ZNF471: variants seen among roughly 807,000 people sequenced by gnomAD.
ZNF471 encodes zinc finger protein 471, also known as EZFIT-related protein 1.
ZNF471 carries 7 observed loss-of-function variants against 13.7 expected under a neutral mutation model. The ratio of observed to expected loss-of-function variants is 0.51; its 90% confidence interval spans 0.29 to 0.96. The LOEUF is 0.96. Among genes scored for constraint, ZNF471 ranks in the 40% least tolerant of loss-of-function variants. The pLI, the probability that ZNF471 is intolerant of heterozygous loss-of-function variation, is 0.08. For synonymous variants in ZNF471, 218 were observed against 235.6 expected, an observed-to-expected ratio of 0.93 and a Z score of 0.68; for missense variants, 663 against 743.3, an observed-to-expected ratio of 0.89 and a Z score of 1.26.
rs1409530163 is a variant in ZNF471 at position 56,522,496 on chromosome 19, A to G, written c.257-1828A>G. Among the ~76,000 whole-genome samples, 1 of 152,184 alleles carries G rather than the reference A, an allele frequency of 6.6e-6. No homozygotes were observed. The highest frequency in any genetic ancestry group is 1.5e-5 in the Non-Finnish European group (1 of 68,030). ...ATTCCTTCATTACTTTGATATCACA[A>G]ATGCTTAGTGCATAATGTATAATTG... is the stretch of plus-strand genomic sequence containing the variant. On this transcript the variant is annotated intron_variant, in intron 4 of 4. Coordinates refer to ENST00000308031, the MANE Select transcript of ZNF471 (RefSeq NM_020813.4). This position sits in a 1 kb window ranked among gnomAD's most constrained non-coding sequence, Gnocchi z 4.1.
In ZNF471 at chr19:56,526,972, T is replaced by C. The variant is rs2044056078; in HGVS notation, c.*1024T>C. 1 of 152,802 alleles carries C rather than the reference T, an allele frequency of 6.5e-6. No individual in the cohort carries two copies. The highest frequency in any genetic ancestry group is 2.4e-5 in the African/African-American group (1 of 41,490). The allele number at this position is 152,802 out of a possible 1,614,324, so 9.5% of individuals were successfully genotyped here. ...AGCAGCAGTTCTTCCAGCACAGCGC[T>C]TGAGCTCTGCTAAGGGACAGACTGC... On this transcript the variant is annotated 3_prime_UTR_variant, in exon 5 of 5. Coordinates refer to ENST00000308031, the MANE Select transcript of ZNF471 (RefSeq NM_020813.4).
rs992910085 is a variant in ZNF471 at position 56,528,445 on chromosome 19, C to G, written c.*2497C>G. The G allele has an allele frequency of 6.6e-6, 1 of 152,040 alleles. No individual in the cohort carries two copies. Among genetic ancestry groups the G allele is most frequent in the East Asian group, 1.9e-4 (1 of 5,192 alleles). 9.4% of individuals were successfully genotyped at this position (152,040 alleles called of 1,614,324 possible). ...CTAAAAAAAAAGTTTTAAATGGTGT[C>G]TTTCTATGTTGCCCAGGGTGGTCTC... On this transcript the variant is annotated 3_prime_UTR_variant, in exon 5 of 5. Transcript: ENST00000308031.
intron 2 of ZNF471, 48 bp downstream of exon 2, chr19:56,511,652 A>C (rs1292044102): frequency 6.8e-7 from 1 of 1,463,530 alleles, no homozygotes; most frequent in African/African-American, 1.6e-5. Flanking sequence ...CTTGCTGTTT[A>C]GGACTTTTTG....
chr19:56,511,045 T>C, intron 1 of ZNF471: 1 of 958,602 alleles, frequency 1.0e-6, no homozygotes, highest in Non-Finnish European at 1.2e-6. Flanking sequence ...AGAAGGAGGA[T>C]AACCCTGGCC....
chr19:56,509,714 G>GGTGGGT, intron 1 of ZNF471: 1 of 177,194 alleles, frequency 5.6e-6, no homozygotes, highest in Non-Finnish European at 1.0e-5. Flanking sequence ...TTGCTTGCCT[G>GGTGGGT]GTGTGTGTGT....
In ZNF471 at chr19:56,524,111, C is replaced by T. The variant is rs1241066151; in HGVS notation, c.257-213C>T. On this transcript the variant is annotated intron_variant, in intron 4 of 4. Transcript: ENST00000308031. This position sits in a 1 kb window ranked among gnomAD's most constrained non-coding sequence, Gnocchi z 4.8. ...CTGGGATTATAGGCCTAAACCACTA[C>T]ACCTAGCCCATTTCGCTTTCTTAGT... 6.6e-6 allele frequency among the ~76,000 whole-genome samples: 1 copy of T among 152,200 alleles called. No individual in the cohort carries two copies. The highest frequency in any genetic ancestry group is 1.5e-5 in the Non-Finnish European group (1 of 68,032).
intron 3 of ZNF471, among the ~76,000 whole-genome samples, chr19:56,518,129 T>G (rs1349228713): frequency 2.0e-5 from 3 of 152,228 alleles, no homozygotes; most frequent in Non-Finnish European, 4.4e-5. Flanking sequence ...GCCTCTGGAT[T>G]CTGTCATATT....
At chr19:56,517,147 T>C (rs1285880965) in intron 3 of ZNF471, among the ~76,000 whole-genome samples, 2 of 148,188 alleles carry the variant, frequency 1.3e-5, no homozygotes, top group African/African-American at 2.5e-5. Context: ...TCGCTCTCTT[T>C]TTTTTTTTTT....
chr19:56,511,522 C>A lies in ZNF471; in HGVS notation c.-50C>A, dbSNP rs1366853211. On this transcript the variant is annotated 5_prime_UTR_variant, in exon 2 of 5. An upstream open reading frame in the 5' UTR gains an earlier in-frame stop. Transcript: ENST00000308031. Reference sequence around the variant, plus strand: ...TAACCTTTCCCTTCCTTCAGCCTTGCCCTCCCAAGACACTGTTCTTCAAGA... The same window carrying A: ...TAACCTTTCCCTTCCTTCAGCCTTGACCTCCCAAGACACTGTTCTTCAAGA... 7 of 1,611,902 alleles carry A rather than the reference C, an allele frequency of 4.3e-6. No homozygotes were observed. The highest frequency in any genetic ancestry group is 5.9e-6 in the Non-Finnish European group (7 of 1,178,758).
At position 56,526,733 on chromosome 19, in the gene ZNF471, A is replaced by C. The variant is rs1170347704; in HGVS notation, c.*785A>C. 1 of 152,270 alleles carries C rather than the reference A, an allele frequency of 6.6e-6. No homozygotes were observed. Among genetic ancestry groups the C allele is most frequent in the Non-Finnish European group, 1.5e-5 (1 of 68,084 alleles). 9.4% of individuals were successfully genotyped at this position (152,270 alleles called of 1,614,324 possible). On this transcript the variant is annotated 3_prime_UTR_variant, in exon 5 of 5. Coordinates refer to ENST00000308031, the MANE Select transcript of ZNF471 (RefSeq NM_020813.4). ...TTCCCCTCACAGCGTAAACAAAGCC[A>C]TGGGGAAGTTCCAGCTGAGCAGAGC...
At position 56,508,229 on chromosome 19, in the gene ZNF471, C is replaced by CTGTGTG. The variant is rs3219817; in HGVS notation, c.-56+328_-56+333dup. ...GAGGCTCCGTGAGAGGGTGTGGTTT[C>CTGTGTG]TGTGTGTGTGTGTGTGTGTGTGTGA... On this transcript the variant is annotated intron_variant, in intron 1 of 4. Coordinates refer to ENST00000308031, the MANE Select transcript of ZNF471 (RefSeq NM_020813.4). The surrounding 1 kb of genome is among the most constrained non-coding windows in gnomAD (Gnocchi z 4.7). The CTGTGTG allele has an allele frequency of 0.14, 115,717 of 799,956 alleles. 3,940 individuals are homozygous for CTGTGTG. The highest frequency in any genetic ancestry group is 0.15 in the Non-Finnish European group (102,706 of 667,242). The allele number at this position is 799,956 out of a possible 1,614,324, so 49.6% of individuals were successfully genotyped here. A position where few individuals can be genotyped will look rare whatever the true frequency, so the allele number is the denominator to read the frequency against.
rs1024014243 is a variant in ZNF471, at chr19:56,525,280, T to C, written c.1213T>C (p.Cys405Arg). ...RIHTGEKPYK[C>R]GVCGKTFSSG... ...TCATACAGGAGAGAAACCTTACAAA[T>C]GTGGTGTGTGTGGAAAAACCTTCAG... The change falls in exon 5 of 5, where the codon TGT becomes CGT. Residue 405 changes from cysteine (C) to arginine (R), a missense_variant. Physicochemically the swap from Cys to Arg is radical, Grantham distance 180 (BLOSUM62 -3). Transcript: ENST00000308031. The C allele has an allele frequency of 1.2e-6, 2 of 1,611,734 alleles. No individual in the cohort carries two copies. The highest frequency in any genetic ancestry group is 2.7e-5 in the African/African-American group (2 of 74,850).
At position 56,527,753 on chromosome 19, in the gene ZNF471, G is replaced by GT. The variant is rs1467038993; in HGVS notation, c.*1806dup. The GT allele has an allele frequency of 6.6e-6, 1 of 152,168 alleles. No homozygotes were observed. Among genetic ancestry groups the GT allele is most frequent in the Non-Finnish European group, 1.5e-5 (1 of 68,038 alleles). The allele number at this position is 152,168 out of a possible 1,614,324, so 9.4% of individuals were successfully genotyped here. ...CATACTGCAGAGCGGTCTTAACAATGTAAAGAATGTGCAAATGTCCTCAGA... is the reference window on the plus strand; with the variant it reads ...CATACTGCAGAGCGGTCTTAACAATGTTAAAGAATGTGCAAATGTCCTCAGA... On this transcript the variant is annotated 3_prime_UTR_variant, in exon 5 of 5. Transcript: ENST00000308031.
intron 4 of ZNF471, among the ~76,000 whole-genome samples, chr19:56,521,365 G>A (rs8103580): frequency 3.3e-5 from 5 of 152,174 alleles, no homozygotes; most frequent in Admixed American, 6.5e-5. Context: ...CTGGCTAGGC[G>A]TGGTGGCTCA....
At chr19:56,515,196 C>G (rs964241777) in intron 2 of ZNF471, among the ~76,000 whole-genome samples, 6 of 152,032 alleles carry the variant, frequency 3.9e-5, no homozygotes, top group Non-Finnish European at 7.4e-5. Flanking sequence ...GGATCAAAAG[C>G]AGTTTTTTCT....
At chr19:56,512,328 T>A (rs1332966984) in intron 2 of ZNF471, among the ~76,000 whole-genome samples, 1 of 151,690 alleles carries the variant, frequency 6.6e-6, no homozygotes, top group Non-Finnish European at 1.5e-5. Flanking sequence ...TACCTTTAGG[T>A]CCTATTTTTC....
chr19:56,530,154 T>C lies in ZNF471; in HGVS notation c.*4206T>C, dbSNP rs1244515145. On this transcript the variant is annotated 3_prime_UTR_variant, in exon 5 of 5. Transcript: ENST00000308031. Reference sequence around the variant, plus strand: ...TGCAGTTTATGAACTGAGATGTAACTTCATGACTAACATGATGACATCGTT... The same window carrying C: ...TGCAGTTTATGAACTGAGATGTAACCTCATGACTAACATGATGACATCGTT... 1 of 152,252 alleles carries C rather than the reference T, an allele frequency of 6.6e-6. No individual in the cohort carries two copies. The highest frequency in any genetic ancestry group is 1.5e-5 in the Non-Finnish European group (1 of 68,052). 9.4% of individuals were successfully genotyped at this position (152,252 alleles called of 1,614,324 possible).
chr19:56,524,283 C>T lies in ZNF471; in HGVS notation c.257-41C>T, dbSNP rs2044013121. 3 of 1,326,260 alleles carry T rather than the reference C, an allele frequency of 2.3e-6. No homozygotes were observed. The highest frequency in any genetic ancestry group is 3.1e-6 in the Non-Finnish European group (3 of 974,182). The allele number at this position is 1,326,260 out of a possible 1,614,324, so 82.2% of individuals were successfully genotyped here. A position where few individuals can be genotyped will look rare whatever the true frequency, so the allele number is the denominator to read the frequency against. Reference sequence around the variant, plus strand: ...TCACAATGTCTCCTTTGTTGTAGCCCATGATAAAGGGAACATTCACTTTTT... The same window carrying T: ...TCACAATGTCTCCTTTGTTGTAGCCTATGATAAAGGGAACATTCACTTTTT... On this transcript the variant is annotated intron_variant, in intron 4 of 4. Transcript: ENST00000308031. The surrounding 1 kb of genome is among the most constrained non-coding windows in gnomAD (Gnocchi z 4.8).
chr19:56,526,020 A>G lies in ZNF471; in HGVS notation c.*72A>G, dbSNP rs2044042450. On this transcript the variant is annotated 3_prime_UTR_variant, in exon 5 of 5. Coordinates refer to ENST00000308031, the MANE Select transcript of ZNF471 (RefSeq NM_020813.4). ...CTGTTAATCAGAGATGTCCCACTGG[A>G]TAAAAAACATATAAATGTAAGAAAT... 2.8e-6 allele frequency: 4 copies of G among 1,409,880 alleles called. 1 individual carries two copies. The highest frequency in any genetic ancestry group is 3.0e-5 in the South Asian group (2 of 65,844). 87.3% of individuals were successfully genotyped at this position (1,409,880 alleles called of 1,614,324 possible). A position where few individuals can be genotyped will look rare whatever the true frequency, so the allele number is the denominator to read the frequency against.
Sources: allele counts gnomAD v4.1 joint callset (sites outside exome capture counted in the v4.1 genomes callset), GRCh38; gene constraint gnomAD v4.1.1; non-coding constraint Gnocchi (gnomAD v3.1); transcripts MANE v1.5; gene names NCBI Gene and HGNC (gene_info 2026-07-23, HGNC 2026-07-21).